The following C8orf74 variants were observed in gnomAD, a reference collection of about 807,000 sequenced individuals.
The protein encoded by C8orf74 is chromosome 8 open reading frame 74, also known as uncharacterized protein C8orf74.
A neutral mutation model predicts 22.2 loss-of-function variants in C8orf74; 29 were observed. The ratio of observed to expected loss-of-function variants is 1.31; its 90% CI spans 0.97 to 1.78. The LOEUF (loss-of-function observed/expected upper bound fraction) is 1.78, where lower values mean the gene tolerates loss of function less well. Among genes scored for constraint, C8orf74 ranks in the 40% most tolerant of loss-of-function variants. C8orf74 has a pLI of 0.00. For synonymous variants in C8orf74, 255 were observed against 163.1 expected, an observed-to-expected ratio of 1.56 and a Z score of -4.30; for missense variants, 515 against 369.9, an observed-to-expected ratio of 1.39 and a Z score of -3.22.
At chr8:10,694,175 G>A (rs1476477303) in intron 2 of C8orf74, among the ~76,000 whole-genome samples, 4 of 152,112 alleles carry the variant, frequency 2.6e-5, no homozygotes, top group Non-Finnish European at 4.4e-5. Context: ...ATCTGCTTGT[G>A]TCTCTCCTGC....
At chr8:10,685,839 G>A (rs548107169) in intron 2 of C8orf74, among the ~76,000 whole-genome samples, 1 of 152,346 alleles carries the variant, frequency 6.6e-6, no homozygotes, top group South Asian at 2.1e-4. Context: ...GGAGGCTGAG[G>A]CAGGTGGATC....
intron 2 of C8orf74, among the ~76,000 whole-genome samples, chr8:10,685,885 C>T (rs919724950): frequency 2.0e-5 from 3 of 152,076 alleles, no homozygotes; most frequent in Admixed American, 1.3e-4. Flanking sequence ...CTGGCTAACA[C>T]GGTGAAATCC....
At chr8:10,675,194 G>A (rs953036102) in intron 2 of C8orf74, among the ~76,000 whole-genome samples, 50 of 152,380 alleles carry the variant, frequency 3.3e-4, no homozygotes, top group Non-Finnish European at 1.2e-4. Context: ...AGGGCTGCAC[G>A]TTGTTCCTGG....
chr8:10,685,550 T>A (rs1255898434), intron 2 of C8orf74, among the ~76,000 whole-genome samples: 1 of 152,086 alleles, frequency 6.6e-6, no homozygotes, highest in Non-Finnish European at 1.5e-5. Context: ...TGCAAAAGAA[T>A]AAATATCGTA....
At chr8:10,695,213 T>A (rs1275599576) in intron 2 of C8orf74, among the ~76,000 whole-genome samples, 1 of 152,206 alleles carries the variant, frequency 6.6e-6, no homozygotes, top group South Asian at 2.1e-4. Context: ...TTACCCCATT[T>A]GACCCTTCCA....
At chr8:10,692,371 C>T (rs73532604) in intron 2 of C8orf74, 1 of 152,546 alleles carries the variant, frequency 6.6e-6, no homozygotes, top group Non-Finnish European at 1.5e-5. Context: ...CCGCTCACCC[C>T]CTACCTGCTG....
intron 2 of C8orf74, among the ~76,000 whole-genome samples, chr8:10,695,723 G>C (rs1400888285): frequency 6.6e-6 from 1 of 152,130 alleles, no homozygotes; most frequent in African/African-American, 2.4e-5. Context: ...GGGGCATGGA[G>C]CACTCTAGCT....
At chr8:10,681,690 T>A (rs1353666535) in intron 2 of C8orf74, among the ~76,000 whole-genome samples, 3 of 152,182 alleles carry the variant, frequency 2.0e-5, no homozygotes, top group Non-Finnish European at 2.9e-5. Context: ...TTCATCATCA[T>A]CACGCGTGGC....
At chr8:10,686,844 T>A (rs558613094) in intron 2 of C8orf74, among the ~76,000 whole-genome samples, 1 of 152,318 alleles carries the variant, frequency 6.6e-6, no homozygotes, top group South Asian at 2.1e-4. Context: ...AGTGGTGTCC[T>A]ATTCCCCTAC....
intron 2 of C8orf74, chr8:10,689,760 G>A (rs1282818050): frequency 6.6e-6 from 1 of 152,184 alleles, no homozygotes; most frequent in Non-Finnish European, 1.5e-5. Context: ...AGAAAAGAAA[G>A]TATTAAGAAA....
chr8:10,674,444 G>T (rs111841369), intron 1 of C8orf74, among the ~76,000 whole-genome samples: 1 of 1,138 alleles, frequency 8.8e-4, no homozygotes, highest in African/African-American at 1.8e-3. Flanking sequence ...AACCCCCATA[G>T]CACACCCTGT....
chr8:10,686,803 A>T (rs1799270328), intron 2 of C8orf74: 1 of 179,300 alleles, frequency 5.6e-6, no homozygotes, highest in African/African-American at 2.3e-5. Context: ...GAAAGAGGAT[A>T]AAGCACAAGG....
chr8:10,677,328 T>A (rs997078892), intron 2 of C8orf74, among the ~76,000 whole-genome samples: 1 of 152,226 alleles, frequency 6.6e-6, no homozygotes, highest in African/African-American at 2.4e-5. Context: ...CTTCATATAA[T>A]GCGACTAAGT....
chr8:10,699,435 TC>T (rs1438394960), intron 3 of C8orf74, among the ~76,000 whole-genome samples: 1 of 152,256 alleles, frequency 6.6e-6, no homozygotes, highest in African/African-American at 2.4e-5. Context: ...ATTTTGCATA[TC>T]TTTTAAGTGA....
At chr8:10,690,472 G>A (rs942456783) in intron 2 of C8orf74, among the ~76,000 whole-genome samples, 2 of 152,288 alleles carry the variant, frequency 1.3e-5, no homozygotes, top group Non-Finnish European at 2.9e-5. Context: ...CCTTGCTTTC[G>A]TCTGCTTCCC....
chr8:10,700,138 G>C, intron 3 of C8orf74, 97 bp from the exon 4 acceptor site: 1 of 773,582 alleles, frequency 1.3e-6, no homozygotes, highest in Non-Finnish European at 2.1e-6. Flanking sequence ...CGGATGGACA[G>C]TGGACACATT....
At chr8:10,673,115 G>A (rs971382129) in intron 1 of C8orf74, among the ~76,000 whole-genome samples, 4 of 152,070 alleles carry the variant, frequency 2.6e-5, no homozygotes, top group Admixed American at 1.3e-4. Context: ...TCTGGGGGCC[G>A]AGGACAGGAC....
At chr8:10,677,708 G>A (rs1219279931) in intron 2 of C8orf74, among the ~76,000 whole-genome samples, 4 of 151,726 alleles carry the variant, frequency 2.6e-5, no homozygotes, top group Non-Finnish European at 2.9e-5. Context: ...CTTAACATAC[G>A]GCATCTGGAT....
intron 2 of C8orf74, among the ~76,000 whole-genome samples, chr8:10,681,235 C>T (rs912736120): frequency 7.2e-5 from 11 of 152,166 alleles, no homozygotes; most frequent in Non-Finnish European, 2.9e-5. Flanking sequence ...CTCTCCAGGA[C>T]GTTCTGCTCT....
Sources: gnomAD v4.1 joint callset for allele counts (sites outside exome capture counted in the v4.1 genomes callset) on GRCh38, gnomAD v4.1.1 for gene constraint, MANE v1.5 for transcripts, NCBI Gene and HGNC (gene_info 2026-07-23, HGNC 2026-07-21) for gene names.